SOX5: variants seen among roughly 807,000 people sequenced by gnomAD.
SOX5 encodes SRY-box transcription factor 5.
Under a neutral mutation model 92.0 loss-of-function variants are expected in SOX5, and 9 were observed. The observed-to-expected ratio is 0.10, with a 90% confidence interval of 0.06 to 0.17. The LOEUF is 0.17. SOX5 is among the 10% of genes least tolerant of loss of function. The pLI is 1.00. For missense variants in SOX5, 642 were observed against 944.5 expected (o/e 0.68, Z 4.20); for synonymous variants, 344 against 336.3 (o/e 1.02, Z -0.25).
At chr12:23,542,595 T>C (rs973493617) in intron 13 of SOX5, among the ~76,000 whole-genome samples, 2 of 152,210 alleles carry the variant, frequency 1.3e-5, no homozygotes. Flanking sequence ...AATGTTGCAA[T>C]GGCAGAAAAG....
At chr12:23,739,285 T>A (rs1036295214) in intron 5 of SOX5, among the ~76,000 whole-genome samples, 4 of 152,198 alleles carry the variant, frequency 2.6e-5, no homozygotes, top group African/African-American at 9.7e-5. Context: ...CTCCCCTCTA[T>A]CTTACGTTGT....
intron 2 of SOX5, among the ~76,000 whole-genome samples, chr12:23,847,990 A>G (rs1259474747): frequency 6.6e-6 from 1 of 152,178 alleles, no homozygotes; most frequent in Non-Finnish European, 1.5e-5. Context: ...AATTAATAGG[A>G]ATGTTTTTAT....
intron 4 of SOX5, among the ~76,000 whole-genome samples, chr12:23,985,801 C>T (rs1304065485): frequency 6.6e-6 from 1 of 151,980 alleles, no homozygotes; most frequent in Non-Finnish European, 1.5e-5. Flanking sequence ...AAATGGGTCT[C>T]ACTGAGCTAA....
chr12:24,091,679 T>C (rs1030633058), intron 4 of SOX5, among the ~76,000 whole-genome samples: 1 of 152,074 alleles, frequency 6.6e-6, no homozygotes, highest in Admixed American at 6.5e-5. Flanking sequence ...ACGGCAGAAA[T>C]GACTTACTAG....
At position 23,625,402 on chromosome 12, in the gene SOX5, G is replaced by C. The variant is rs1051172727; in HGVS notation, c.1017+15410C>G. On this transcript the variant is annotated intron_variant, in intron 8 of 14. Coordinates refer to ENST00000451604, the MANE Select transcript of SOX5 (RefSeq NM_006940.6). ...AGTTATTTGGCTTTATTAATACAAA[G>C]AGATGAAATATGGATGAAAACATTT... Among the ~76,000 whole-genome samples the C allele has an allele frequency of 4.6e-5, 7 of 152,170 alleles. No individual in the cohort carries two copies. In the East Asian group the frequency reaches 9.6e-4, roughly 21 times the overall value.
chr12:24,212,546 T>G, intron 4 of SOX5: 1 of 522,196 alleles, frequency 1.9e-6, no homozygotes, highest in Non-Finnish European at 3.9e-6. Flanking sequence ...GACCACCAAG[T>G]CTTCACTCAT....
chr12:23,949,882 G>A (rs1945312397), upstream of SOX5, among the ~76,000 whole-genome samples: 1 of 147,472 alleles, frequency 6.8e-6, no homozygotes, highest in African/African-American at 2.5e-5. Context: ...GCGGAGTCTG[G>A]CTGCTCCCCC....
intron 1 of SOX5, among the ~76,000 whole-genome samples, chr12:24,540,251 C>T (rs142048265): frequency 6.6e-6 from 1 of 152,154 alleles, no homozygotes; most frequent in Non-Finnish European, 1.5e-5. Flanking sequence ...GGTATTTGGC[C>T]TTGCATTCCA....
At chr12:24,171,903 G>A (rs1223206875) in intron 4 of SOX5, among the ~76,000 whole-genome samples, 1 of 152,112 alleles carries the variant, frequency 6.6e-6, no homozygotes, top group Non-Finnish European at 1.5e-5. Context: ...CATTTTCACA[G>A]AGAAAGTGGC....
chr12:23,836,536 T>C (rs769683277), intron 3 of SOX5, among the ~76,000 whole-genome samples: 16 of 152,042 alleles, frequency 1.1e-4, no homozygotes, highest in Non-Finnish European at 2.2e-4. Context: ...TATGCAAATC[T>C]AATTTTCTTT....
intron 1 of SOX5, among the ~76,000 whole-genome samples, chr12:23,923,070 C>T (rs181487327): frequency 6.6e-6 from 1 of 151,844 alleles, no homozygotes; most frequent in South Asian, 2.1e-4. Context: ...CTCAGCCTCC[C>T]GAGTAGCTGG....
At chr12:23,970,016 A>T (rs1003992513) in intron 4 of SOX5, among the ~76,000 whole-genome samples, 15 of 152,184 alleles carry the variant, frequency 9.9e-5, no homozygotes, top group African/African-American at 3.6e-4. Context: ...GCTAAATGGG[A>T]ACTCTGCCAA....
At chr12:24,235,969 C>G (rs1447165764) in intron 3 of SOX5, among the ~76,000 whole-genome samples, 2 of 152,084 alleles carry the variant, frequency 1.3e-5, no homozygotes, top group Non-Finnish European at 2.9e-5. Flanking sequence ...GTGGGCAGAT[C>G]ACAAGGTCAG....
chr12:23,953,440 T>C (rs1352943638), upstream of SOX5, among the ~76,000 whole-genome samples: 3 of 152,096 alleles, frequency 2.0e-5, no homozygotes, highest in Admixed American at 1.3e-4. Flanking sequence ...ACATCACAAC[T>C]AATACCGCAA....
chr12:24,181,246 T>G (rs1955468370), intron 4 of SOX5, among the ~76,000 whole-genome samples: 1 of 152,202 alleles, frequency 6.6e-6, no homozygotes, highest in South Asian at 2.1e-4. Flanking sequence ...TGGGGTCTGA[T>G]TCCATGAAAT....
At chr12:24,246,980 G>A (rs887064697) in intron 3 of SOX5, among the ~76,000 whole-genome samples, 2 of 152,108 alleles carry the variant, frequency 1.3e-5, no homozygotes, top group South Asian at 2.1e-4. Context: ...AAAAGATGAC[G>A]GCATGTAAAA....
At chr12:23,538,917 C>G (rs905912353) in intron 13 of SOX5, among the ~76,000 whole-genome samples, 6 of 150,614 alleles carry the variant, frequency 4.0e-5, no homozygotes, top group Non-Finnish European at 8.8e-5. Flanking sequence ...TCTCCTGCCT[C>G]AGCCTCCCGA....
chr12:24,193,990 C>T (rs891910546), intron 4 of SOX5, among the ~76,000 whole-genome samples: 1 of 152,122 alleles, frequency 6.6e-6, no homozygotes, highest in African/African-American at 2.4e-5. Context: ...GCCCTCATCC[C>T]TCTACTGATT....
chr12:23,672,787 C>T (rs1415691508), intron 6 of SOX5, among the ~76,000 whole-genome samples: 5 of 152,058 alleles, frequency 3.3e-5, no homozygotes, highest in Non-Finnish European at 5.9e-5. Context: ...AGGATACAAC[C>T]ACTTTCAAAG....
Sources: gnomAD v4.1 joint callset for allele counts (sites outside exome capture counted in the v4.1 genomes callset) on GRCh38, gnomAD v4.1.1 for gene constraint, MANE v1.5 for transcripts, NCBI Gene and HGNC (gene_info 2026-07-23, HGNC 2026-07-21) for gene names.